Variants in ACTL6A observed in about 807,000 individuals in gnomAD.
ACTL6A encodes the protein actin like 6A, also known as actin-like protein 6A.
In ACTL6A, 5 loss-of-function variants were observed where a neutral mutation model predicts 59.2. The ratio of observed to expected loss-of-function variants is 0.08; its 90% CI spans 0.04 to 0.18. The LOEUF is 0.18. Ranked by LOEUF, ACTL6A falls within the 10% of genes least tolerant of loss-of-function variation. The probability of loss-of-function intolerance (pLI) is 1.00; values close to 1 mark genes in which losing one functional copy is unlikely to be tolerated. For missense variants in ACTL6A, 285 were observed against 526.9 expected (o/e 0.54, Z 4.49); for synonymous variants, 154 against 171.8 (o/e 0.90, Z 0.81).
chr3:179,563,232 C>G (rs916147461), intron 1 of ACTL6A, 115 bp downstream of exon 1: 2 of 1,458,018 alleles, frequency 1.4e-6, no homozygotes, highest in Non-Finnish European at 1.8e-6. Flanking sequence ...CTCTCGGGAC[C>G]CCGGCCTCCC....
chr3:179,574,650 G>A, intron 5 of ACTL6A, 183 bp downstream of exon 5: 1 of 522,626 alleles, frequency 1.9e-6, no homozygotes, highest in South Asian at 2.6e-5. Context: ...ACACCAGAAG[G>A]TATGAGGGAA....
In ACTL6A at chr3:179,563,126, G is replaced by A. The variant is rs767042422; in HGVS notation, c.25+9G>A. ...CGGCGTGTACGGGGGAGGTGAGTGA[G>A]TGCGGCCGGACGAGAGAGCGCGCCT... On this transcript the variant is annotated intron_variant, in intron 1 of 13. Coordinates refer to ENST00000429709, the MANE Select transcript of ACTL6A (RefSeq NM_004301.5). 1.2e-6 allele frequency: 2 copies of A among 1,611,808 alleles called. No homozygotes were observed. The highest frequency in any genetic ancestry group is 2.2e-5 in the East Asian group (1 of 44,810).
chr3:179,572,209 GAGAA>G (rs1718028724), intron 3 of ACTL6A, among the ~76,000 whole-genome samples: 1 of 152,158 alleles, frequency 6.6e-6, no homozygotes, highest in South Asian at 2.1e-4. Flanking sequence ...ACCCTTGAAG[GAGAA>G]AGAAAGGGAA....
At position 179,575,332 on chromosome 3, in the gene ACTL6A, A is replaced by G. The variant is rs146522649; in HGVS notation, c.476+865A>G. 1.5e-5 allele frequency: 7 copies of G among 454,814 alleles called. No homozygotes were observed. The East Asian group carries it at 3.5e-4, about 23-fold the overall frequency. 28.2% of individuals were successfully genotyped at this position (454,814 alleles called of 1,614,324 possible). A position where few individuals can be genotyped will look rare whatever the true frequency, so the allele number is the denominator to read the frequency against. ...TCCCTTCCCCAGATTTTACTATTGA[A>G]TATCTCAGGAATAGGTTTCCCTTTT... On this transcript the variant is annotated intron_variant, in intron 5 of 13. Coordinates refer to ENST00000429709, the MANE Select transcript of ACTL6A (RefSeq NM_004301.5).
rs1485325951 is a variant in ACTL6A at position 179,570,208 on chromosome 3, A to G, written c.244A>G (p.Met82Val). The change falls in exon 3 of 14, where the codon ATG (methionine) becomes GTG (valine). Residue 82 changes from methionine (M) to valine (V), a missense_variant. Met to Val is a conservative substitution (Grantham distance 21, BLOSUM62 1). Coordinates refer to ENST00000429709, the MANE Select transcript of ACTL6A (RefSeq NM_004301.5). This position sits in a 1 kb window ranked among gnomAD's most constrained non-coding sequence, Gnocchi z 4.3. ...TGCTCTGCGTGTTCCGAGGGAGAAT[A>G]TGGAGGCCATTTCACCTCTAAAAAA... ...TNALRVPREN[M>V]EAISPLKNGM... The G allele has an allele frequency of 5.6e-6, 9 of 1,613,876 alleles. No individual in the cohort carries two copies. The highest frequency in any genetic ancestry group is 1.3e-5 in the African/African-American group (1 of 75,050).
chr3:179,563,305 G>A, intron 1 of ACTL6A, 188 bp downstream of exon 1: 1 of 1,019,582 alleles, frequency 9.8e-7, no homozygotes, highest in Non-Finnish European at 1.4e-6. Context: ...CGTGCTCCTC[G>A]GGCTCCCTGA....
chr3:179,569,101 T>C (rs1352979301), intron 1 of ACTL6A, among the ~76,000 whole-genome samples: 1 of 152,204 alleles, frequency 6.6e-6, no homozygotes, highest in East Asian at 1.9e-4. Flanking sequence ...CAATAAATTA[T>C]AGAATCACCC....
chr3:179,574,425 A>G lies in ACTL6A; in HGVS notation c.434A>G (p.Asn145Ser). The change falls in exon 5 of 14, where the codon AAC becomes AGC. Residue 145 changes from asparagine to serine, a missense_variant. Coordinates refer to ENST00000429709, the MANE Select transcript of ACTL6A (RefSeq NM_004301.5). ...KLTELMFEHY[N>S]IPAFFLCKTA... ...ACAGAGTTAATGTTTGAACACTACA[A>G]CATCCCTGCCTTCTTCCTTTGCAAA... 1 of 1,613,498 alleles carries G rather than the reference A, an allele frequency of 6.2e-7. No individual in the cohort carries two copies. The highest frequency in any genetic ancestry group is 1.1e-5 in the South Asian group (1 of 91,054).
At chr3:179,580,763 T>A in intron 9 of ACTL6A, 62 bp downstream of exon 9, 1 of 1,409,882 alleles carries the variant, frequency 7.1e-7, no homozygotes, top group East Asian at 2.4e-5. Context: ...TAAAAAATAC[T>A]TAATTGAATA....
chr3:179,576,849 C>G lies in ACTL6A; in HGVS notation c.704C>G (p.Ala235Gly). 1 of 1,613,964 alleles carries G rather than the reference C, an allele frequency of 6.2e-7. No homozygotes were observed. Among genetic ancestry groups the G allele is most frequent in the South Asian group, 1.1e-5 (1 of 91,076 alleles). The change falls in exon 8 of 14, where the codon GCA (alanine) becomes GGA (glycine). Residue 235 changes from alanine (A) to glycine (G), a missense_variant. Ala to Gly is a moderately conservative substitution (Grantham distance 60). Transcript: ENST00000429709. ...GAAGCTGTTCGTGAAGGATCTCCAG[C>G]AAACTGGAAAAGAAAAGAGAAGTTG... Reference protein sequence around the residue: ...SKEAVREGSPANWKRKEKLPQ... With the variant: ...SKEAVREGSPGNWKRKEKLPQ...
intron 1 of ACTL6A, 145 bp downstream of exon 1, chr3:179,563,262 G>C (rs1717722962): frequency 7.6e-7 from 1 of 1,308,452 alleles, no homozygotes; most frequent in Non-Finnish European, 1.0e-6. Flanking sequence ...CCCGCCCCAC[G>C]CTCTGCCCGC....
intron 1 of ACTL6A, 147 bp from the exon 2 acceptor site, chr3:179,569,677 A>T: frequency 1.5e-6 from 1 of 681,524 alleles, no homozygotes; most frequent in South Asian, 1.8e-5. Context: ...TCTACAAAAA[A>T]TTTAAGAAAT....
intron 3 of ACTL6A, 139 bp from the exon 4 acceptor site, chr3:179,573,230 G>A (rs1222797755): frequency 3.6e-6 from 2 of 553,892 alleles, no homozygotes; most frequent in Non-Finnish European, 6.2e-6. Context: ...AAAGTAATGT[G>A]GTATGAAGTT....
At chr3:179,579,023 G>A (rs1718253334) in intron 8 of ACTL6A, among the ~76,000 whole-genome samples, 2 of 152,160 alleles carry the variant, frequency 1.3e-5, no homozygotes, top group African/African-American at 4.8e-5. Context: ...GATTACAGGC[G>A]TGAGCCACTG....
At chr3:179,584,010 A>G (rs753815739) in intron 12 of ACTL6A, among the ~76,000 whole-genome samples, 3 of 152,224 alleles carry the variant, frequency 2.0e-5, no homozygotes, top group African/African-American at 4.8e-5. Context: ...GGGGAAAGCA[A>G]TATGGCTAGA....
At chr3:179,573,301 T>G (rs897421646) in intron 3 of ACTL6A, 68 bp from the exon 4 acceptor site, 144 of 1,074,454 alleles carry the variant, frequency 1.3e-4, no homozygotes, top group Non-Finnish European at 1.8e-4. Context: ...ATAGAAACAA[T>G]TTCTCAAAAG....
chr3:179,570,255 C>T lies in ACTL6A; in HGVS notation c.277+14C>T. On this transcript the variant is annotated intron_variant, in intron 3 of 13. Coordinates refer to ENST00000429709, the MANE Select transcript of ACTL6A (RefSeq NM_004301.5). The surrounding 1 kb of genome is among the most constrained non-coding windows in gnomAD (Gnocchi z 4.3). ...AAAATGGGATGGGTATGATGTTTTC[C>T]CCATGGAATTGATTATGGAGTGTAC... is the stretch of plus-strand genomic sequence containing the variant. 6.2e-7 allele frequency: 1 copy of T among 1,604,730 alleles called. No homozygotes were observed. Among genetic ancestry groups the T allele is most frequent in the African/African-American group, 1.3e-5 (1 of 74,652 alleles).
At chr3:179,573,560 T>A in intron 4 of ACTL6A, 91 bp downstream of exon 4, 10 of 898,672 alleles carry the variant, frequency 1.1e-5, no homozygotes, top group Non-Finnish European at 1.7e-5. Context: ...TTGATGAACA[T>A]TTTTCTTTAA....
At chr3:179,573,521 T>TTTTTTTTTTTTTTTTTTTC in intron 4 of ACTL6A, 52 bp downstream of exon 4, 1 of 360,082 alleles carries the variant, frequency 2.8e-6, no homozygotes, top group South Asian at 5.0e-5. Context: ...TTTTTTTTTC[T>TTTTTTTTTTTTTTTTTTTC]TTTTTTTTTC....
Sources: allele counts gnomAD v4.1 joint callset (sites outside exome capture counted in the v4.1 genomes callset), GRCh38; gene constraint gnomAD v4.1.1; non-coding constraint Gnocchi (gnomAD v3.1); transcripts MANE v1.5; gene names NCBI Gene and HGNC (gene_info 2026-07-23, HGNC 2026-07-21).